Variants in LACC1 observed in about 807,000 individuals in gnomAD.
LACC1 encodes the protein purine nucleoside phosphorylase LACC1.
LACC1 carries 25 observed loss-of-function variants against 34.8 expected under a neutral mutation model. The ratio of observed to expected loss-of-function variants is 0.72; its 90% CI spans 0.52 to 1.00. The LOEUF (loss-of-function observed/expected upper bound fraction) is 1.00, where lower values mean the gene tolerates loss of function less well. Among genes scored for constraint, LACC1 ranks in the 50% least tolerant of loss-of-function variants. LACC1 has a pLI of 0.00. For synonymous variants in LACC1, 162 were observed against 168.0 expected (o/e 0.96, Z 0.28); for missense variants, 426 against 511.2 (o/e 0.83, Z 1.61).
chr13:43,880,409 A>G (rs1378405698), intron 1 of LACC1, among the ~76,000 whole-genome samples: 1 of 152,220 alleles, frequency 6.6e-6, no homozygotes, highest in Non-Finnish European at 1.5e-5. Context: ...AGCCTGTCTC[A>G]TCCAAATCAC....
Position 43,890,258 on chromosome 13 carries a change from A to G in LACC1, c.1278A>G (p.Ile426Met). 6.2e-7 allele frequency: 1 copy of G among 1,613,328 alleles called. No homozygotes were observed. Among genetic ancestry groups the G allele is most frequent in the Non-Finnish European group, 8.5e-7 (1 of 1,179,710 alleles). The change falls in exon 6 of 7, where the codon ATA becomes ATG. Residue 426 changes from isoleucine (I) to methionine (M), a missense_variant. Physicochemically the swap from Ile to Met is conservative, Grantham distance 10. This residue lies in a region of LACC1 where 209 missense variants were observed against 300.3 expected (regional missense o/e 0.70). Transcript: ENST00000325686. ...GLNFGTQIGF[I>M]SIKE is the part of the protein sequence containing the mutation. Reference sequence around the variant, plus strand: ...ATTTTGGTACACAGATTGGCTTCATATCAATTAAAGAATGAGGTACAGTAG... The same window carrying G: ...ATTTTGGTACACAGATTGGCTTCATGTCAATTAAAGAATGAGGTACAGTAG...
upstream of LACC1, chr13:43,879,809 G>C (rs1461017060): frequency 8.6e-6 from 1 of 116,148 alleles, no homozygotes; most frequent in African/African-American, 3.0e-5. Flanking sequence ...GAGGCGAGGC[G>C]GGGCGAGGTG....
intron 4 of LACC1, among the ~76,000 whole-genome samples, chr13:43,887,565 G>A (rs1955386367): frequency 6.6e-6 from 1 of 152,142 alleles, no homozygotes; most frequent in Non-Finnish European, 1.5e-5. Context: ...GATAGTCTGG[G>A]CAAGTGGGAA....
chr13:43,883,301 G>A (rs529278306), intron 3 of LACC1, among the ~76,000 whole-genome samples: 3 of 152,234 alleles, frequency 2.0e-5, no homozygotes, highest in South Asian at 2.1e-4. Context: ...GTAGAGAAAG[G>A]CCATTATTTT....
chr13:43,890,483 A>C (rs1955527506), intron 6 of LACC1, among the ~76,000 whole-genome samples: 1 of 152,284 alleles, frequency 6.6e-6, no homozygotes, highest in Non-Finnish European at 1.5e-5. Flanking sequence ...AGCAACGTTC[A>C]TTTCCAATAA....
At chr13:43,883,721 A>G in intron 3 of LACC1, 50 bp from the exon 4 acceptor site, 1 of 1,444,604 alleles carries the variant, frequency 6.9e-7, no homozygotes, top group Non-Finnish European at 9.4e-7. Flanking sequence ...AGCTTATGGT[A>G]TAAGAAATAC....
At chr13:43,884,975 A>G (rs1246696153) in intron 4 of LACC1, among the ~76,000 whole-genome samples, 1 of 152,240 alleles carries the variant, frequency 6.6e-6, no homozygotes, top group Non-Finnish European at 1.5e-5. Context: ...ATGAAGTTAT[A>G]AATGTGAATT....
intron 4 of LACC1, among the ~76,000 whole-genome samples, chr13:43,886,971 G>C (rs999082300): frequency 6.6e-6 from 1 of 152,034 alleles, no homozygotes; most frequent in African/African-American, 2.4e-5. Context: ...GGCTCACTGA[G>C]GAAGAGAGCT....
intron 2 of LACC1, 54 bp from the exon 3 acceptor site, chr13:43,882,131 G>GACCTAATTTTGAATAGCATTATTCAATT: frequency 7.1e-7 from 1 of 1,399,628 alleles, no homozygotes; most frequent in South Asian, 1.3e-5. Context: ...GTCTAATTGA[G>GACCTAATTTTGAATAGCATTATTCAATT]AGACTGGTAT....
At chr13:43,886,443 C>A (rs1245209174) in intron 4 of LACC1, among the ~76,000 whole-genome samples, 1 of 152,108 alleles carries the variant, frequency 6.6e-6, no homozygotes, top group Non-Finnish European at 1.5e-5. Context: ...AGAATGAAAT[C>A]ATATCCTTAC....
chr13:43,887,204 T>C (rs934873173), intron 4 of LACC1, among the ~76,000 whole-genome samples: 10 of 152,204 alleles, frequency 6.6e-5, no homozygotes, highest in African/African-American at 2.4e-4. Context: ...GATGTCTTCA[T>C]TCTGTACTTC....
intron 2 of LACC1, among the ~76,000 whole-genome samples, 184 bp downstream of exon 2, chr13:43,881,731 A>T (rs990979021): frequency 2.0e-5 from 3 of 152,228 alleles, no homozygotes; most frequent in African/African-American, 7.2e-5. Context: ...GTCAAGGGAT[A>T]AAGCCTTCAA....
In LACC1 at chr13:43,883,864, G is replaced by A. The variant is rs761976656; in HGVS notation, c.835G>A (p.Ala279Thr). Residue 279 changes from alanine (A) to threonine (T), a missense_variant, in exon 4 of 7, where the codon GCT becomes ACT. This residue lies in a region of LACC1 where 209 missense variants were observed against 300.3 expected (regional missense o/e 0.70). Transcript: ENST00000325686. ...AAATCAGAGAGGAGTCACAATAGCA[G>A]CTCTTGGTGCAGACTGTATACCGAT... is the stretch of plus-strand genomic sequence containing the variant. The part of the protein sequence containing the change: ...TTNQRGVTIA[A>T]LGADCIPIVF... 1.1e-5 allele frequency: 18 copies of A among 1,613,804 alleles called. No individual in the cohort carries two copies. The South Asian group carries it at 2.0e-4, about 18-fold the overall frequency.
intron 4 of LACC1, 110 bp downstream of exon 4, chr13:43,884,046 TA>T: frequency 1.2e-6 from 1 of 812,214 alleles, no homozygotes; most frequent in Non-Finnish European, 1.9e-6. Context: ...TACACTGTGG[TA>T]AGTGTAATGA....
chr13:43,892,631 C>G lies in LACC1; in HGVS notation c.*1184C>G, dbSNP rs1955610583. 6.6e-6 allele frequency: 1 copy of G among 152,016 alleles called. No individual in the cohort carries two copies. Among genetic ancestry groups the G allele is most frequent in the Admixed American group, 6.6e-5 (1 of 15,262 alleles). 9.4% of individuals were successfully genotyped at this position (152,016 alleles called of 1,614,324 possible). On this transcript the variant is annotated 3_prime_UTR_variant, in exon 7 of 7. Transcript: ENST00000325686. ...CTAGAAATTAGGAGGAAACCTGAGA[C>G]AGAGACAAATATTTCAAAGCTTACA...
upstream of LACC1, chr13:43,879,321 G>T: frequency 6.5e-6 from 1 of 153,980 alleles, no homozygotes; most frequent in Non-Finnish European, 1.4e-5. Context: ...CCGCTCCCAG[G>T]GCCCGTCGTT....
chr13:43,890,215 A>G lies in LACC1; in HGVS notation c.1235A>G (p.His412Arg), dbSNP rs1360901562. 6.2e-6 allele frequency: 10 copies of G among 1,613,696 alleles called. No individual in the cohort carries two copies. The highest frequency in any genetic ancestry group is 3.3e-5 in the Admixed American group (2 of 59,938). Reference protein sequence around the residue: ...TSCHPDKFFSHVRDGLNFGTQ... With the variant: ...TSCHPDKFFSRVRDGLNFGTQ... ...TGCCATCCTGACAAGTTTTTCTCCC[A>G]TGTCCGAGATGGCCTTAATTTTGGT... The change falls in exon 6 of 7, where the codon CAT (histidine) becomes CGT (arginine). Residue 412 changes from histidine to arginine, a missense_variant. His to Arg is a conservative substitution (Grantham distance 29). Coordinates refer to ENST00000325686, the MANE Select transcript of LACC1 (RefSeq NM_153218.4).
At chr13:43,885,168 A>C (rs1173579861) in intron 4 of LACC1, among the ~76,000 whole-genome samples, 2 of 152,234 alleles carry the variant, frequency 1.3e-5, no homozygotes, top group Admixed American at 1.3e-4. Context: ...TATTGTTAAA[A>C]TGGCCACACT....
rs970501043 is a variant in LACC1, at chr13:43,892,149, TG to T, written c.*703del. On this transcript the variant is annotated 3_prime_UTR_variant, in exon 7 of 7. Coordinates refer to ENST00000325686, the MANE Select transcript of LACC1 (RefSeq NM_153218.4). Reference sequence around the variant, plus strand: ...GTCTCAAATGCAATGTCAAAGAGCTTGCAGTTTATTTTCCAGGCAATGAGTA... The same window carrying T: ...GTCTCAAATGCAATGTCAAAGAGCTTCAGTTTATTTTCCAGGCAATGAGTA... The T allele has an allele frequency of 1.3e-5, 2 of 149,592 alleles. No homozygotes were observed. The highest frequency in any genetic ancestry group is 1.3e-4 in the Admixed American group (2 of 15,034). The allele number at this position is 149,592 out of a possible 1,614,324, so 9.3% of individuals were successfully genotyped here.
Sources: allele counts gnomAD v4.1 joint callset (sites outside exome capture counted in the v4.1 genomes callset), GRCh38; gene constraint gnomAD v4.1.1; regional missense constraint gnomAD v4.1.1; transcripts MANE v1.5; gene names NCBI Gene and HGNC (gene_info 2026-07-23, HGNC 2026-07-21).